ERBB4: variants seen among roughly 807,000 people sequenced by gnomAD.
ERBB4 encodes receptor tyrosine-protein kinase erbB-4.
In ERBB4, 42 loss-of-function variants were observed where a neutral mutation model predicts 158.0. The ratio of observed to expected loss-of-function variants is 0.27; its 90% confidence interval spans 0.21 to 0.34. The LOEUF is 0.34. ERBB4 is among the 10% of genes least tolerant of loss of function. ERBB4 has a pLI of 1.00. For missense variants in ERBB4, 1,333 were observed against 1,624.1 expected, an observed-to-expected ratio of 0.82 and a Z score of 3.08; for synonymous variants, 583 against 558.7, an observed-to-expected ratio of 1.04 and a Z score of -0.61.
intron 1 of ERBB4, among the ~76,000 whole-genome samples, chr2:212,333,274 A>G (rs1574705362): frequency 3.3e-5 from 5 of 152,038 alleles, no homozygotes; most frequent in Admixed American, 3.3e-4. Flanking sequence ...CATCCTCTTC[A>G]TTTCTTATTT....
intron 3 of ERBB4, among the ~76,000 whole-genome samples, chr2:211,871,860 T>C (rs1361265421): frequency 1.3e-5 from 2 of 152,068 alleles, no homozygotes; most frequent in Non-Finnish European, 2.9e-5. Flanking sequence ...CAAGAGACTA[T>C]ATGTGCTCGC....
In ERBB4 at chr2:211,381,067, T is replaced by G. The variant is rs2062566855; in HGVS notation, c.*2548A>C. On this transcript the variant is annotated 3_prime_UTR_variant, in exon 28 of 28. Transcript: ENST00000342788. ...AGTACTGATATGAGATCCCTTTTCC[T>G]AGAGACTTCTCTGAATGGATAGGAG... 4.3e-6 allele frequency: 1 copy of G among 232,390 alleles called. No individual in the cohort carries two copies. The highest frequency in any genetic ancestry group is 8.5e-6 in the Non-Finnish European group (1 of 117,568). The allele number at this position is 232,390 out of a possible 1,614,324, so 14.4% of individuals were successfully genotyped here.
intron 25 of ERBB4, among the ~76,000 whole-genome samples, chr2:211,416,285 T>G (rs1290764802): frequency 1.3e-5 from 2 of 152,072 alleles, no homozygotes; most frequent in African/African-American, 4.8e-5. Context: ...AAAATATAAT[T>G]CTAGGTAACT....
At chr2:212,428,505 C>T (rs898600753) in intron 1 of ERBB4, among the ~76,000 whole-genome samples, 1 of 144,778 alleles carries the variant, frequency 6.9e-6, no homozygotes, top group African/African-American at 2.5e-5. Flanking sequence ...GATAGTTGTC[C>T]AGGACTGGAG....
At chr2:212,493,653 G>T (rs1465827161) in intron 1 of ERBB4, among the ~76,000 whole-genome samples, 2 of 151,594 alleles carry the variant, frequency 1.3e-5, no homozygotes, top group Non-Finnish European at 1.5e-5. Context: ...ATTAACATTA[G>T]AATTCACTAA....
At chr2:211,990,523 A>AAAATAAATAAATAAAT (rs199775547) in intron 2 of ERBB4, among the ~76,000 whole-genome samples, 2 of 134,440 alleles carry the variant, frequency 1.5e-5, no homozygotes, top group African/African-American at 2.6e-5. Context: ...AATAAAAATA[A>AAAATAAATAAATAAAT]AAATAAATAA....
chr2:211,422,753 G>T (rs1315006447), intron 23 of ERBB4, among the ~76,000 whole-genome samples: 1 of 151,632 alleles, frequency 6.6e-6, no homozygotes, highest in African/African-American at 2.4e-5. Context: ...TTAAAACCCC[G>T]AAAGAAAGGT....
chr2:211,766,326 G>C (rs1476865417), intron 4 of ERBB4, among the ~76,000 whole-genome samples: 1 of 152,154 alleles, frequency 6.6e-6, no homozygotes, highest in Non-Finnish European at 1.5e-5. Flanking sequence ...GCTCCCTGTA[G>C]ATACCACATC....
chr2:211,606,039 A>T lies in ERBB4; in HGVS notation c.2301+13138T>A, dbSNP rs140114262. ...TGCCCACTTTTAAAAATTTTACTGA[A>T]TTCACCCAGGAGTTTAAATTAAGTA... On this transcript the variant is annotated intron_variant, in intron 19 of 27. Transcript: ENST00000342788. Among the ~76,000 whole-genome samples, 1,498 of 152,234 alleles carry T rather than the reference A, an allele frequency of 9.8e-3. 28 individuals carry two copies. Among genetic ancestry groups the T allele is most frequent in the African/African-American group, 0.033 (1,386 of 41,558 alleles).
At chr2:212,482,089 T>C (rs1689731707) in intron 1 of ERBB4, among the ~76,000 whole-genome samples, 1 of 152,206 alleles carries the variant, frequency 6.6e-6, no homozygotes, top group African/African-American at 2.4e-5. Context: ...TCTTTGAACA[T>C]TTAGAGTAAA....
chr2:212,397,883 T>C (rs945014157), intron 1 of ERBB4, among the ~76,000 whole-genome samples: 1 of 152,108 alleles, frequency 6.6e-6, no homozygotes, highest in African/African-American at 2.4e-5. Context: ...GTTTATAATA[T>C]CTATAGTGTT....
chr2:211,707,819 T>C (rs2073505814), intron 9 of ERBB4, among the ~76,000 whole-genome samples: 2 of 152,184 alleles, frequency 1.3e-5, no homozygotes, highest in Admixed American at 1.3e-4. Context: ...AGCCTAATTA[T>C]ATATTAAAAT....
At chr2:211,675,187 T>G (rs1380055857) in intron 13 of ERBB4, among the ~76,000 whole-genome samples, 1 of 148,760 alleles carries the variant, frequency 6.7e-6, no homozygotes, top group African/African-American at 2.5e-5. Context: ...CAATTTATAG[T>G]CTATTAAGTA....
intron 25 of ERBB4, among the ~76,000 whole-genome samples, chr2:211,408,977 A>T (rs2063200509): frequency 1.3e-5 from 2 of 152,234 alleles, no homozygotes; most frequent in Admixed American, 1.3e-4. Context: ...GATATTTTTC[A>T]AAATAGTACT....
intron 12 of ERBB4, among the ~76,000 whole-genome samples, chr2:211,699,150 A>C (rs1282358163): frequency 6.6e-6 from 1 of 152,204 alleles, no homozygotes; most frequent in Non-Finnish European, 1.5e-5. Flanking sequence ...AGTGTATTTG[A>C]TGGTGACTGC....
At chr2:211,485,430 C>T (rs1364211679) in intron 20 of ERBB4, among the ~76,000 whole-genome samples, 3 of 152,090 alleles carry the variant, frequency 2.0e-5, no homozygotes, top group Non-Finnish European at 4.4e-5. Context: ...ACAATTCACC[C>T]TATCTGGAAT....
intron 3 of ERBB4, among the ~76,000 whole-genome samples, chr2:211,843,966 A>G (rs913987656): frequency 1.3e-5 from 2 of 152,148 alleles, no homozygotes; most frequent in African/African-American, 4.8e-5. Flanking sequence ...CTTTTCACAG[A>G]GAGCAAGAGA....
chr2:211,784,799 G>C (rs1030611240), intron 4 of ERBB4, among the ~76,000 whole-genome samples: 1 of 151,962 alleles, frequency 6.6e-6, no homozygotes, highest in Non-Finnish European at 1.5e-5. Flanking sequence ...TAATAAGTGG[G>C]AGACAATATC....
intron 20 of ERBB4, among the ~76,000 whole-genome samples, chr2:211,526,724 A>G (rs1396174668): frequency 2.6e-5 from 4 of 152,096 alleles, no homozygotes; most frequent in South Asian, 4.1e-4. Context: ...GAATTCTATC[A>G]GATAACTTAA....
Sources: allele counts gnomAD v4.1 joint callset (sites outside exome capture counted in the v4.1 genomes callset), GRCh38; gene constraint gnomAD v4.1.1; transcripts MANE v1.5; gene names NCBI Gene and HGNC (gene_info 2026-07-23, HGNC 2026-07-21).